The following ADGRB3 variants were observed in gnomAD, a reference collection of about 807,000 sequenced individuals.
ADGRB3 encodes the protein brain-specific angiogenesis inhibitor 3.
In ADGRB3, 37 loss-of-function variants were observed where a neutral mutation model predicts 193.4. The observed-to-expected ratio is 0.19, with a 90% CI of 0.15 to 0.25. The LOEUF is 0.25. Ranked by LOEUF, ADGRB3 falls within the 10% of genes least tolerant of loss-of-function variation. ADGRB3 has a pLI of 1.00. For missense variants in ADGRB3, 1,637 were observed against 1,852.9 expected (o/e 0.88, Z 2.14); for synonymous variants, 690 against 644.2 (o/e 1.07, Z -1.08).
At chr6:68,655,505 T>G (rs549918676) in intron 3 of ADGRB3, among the ~76,000 whole-genome samples, 1 of 151,884 alleles carries the variant, frequency 6.6e-6, no homozygotes, top group Non-Finnish European at 1.5e-5. Context: ...ACAAATAAAA[T>G]TTTGATTCAT....
chr6:69,350,004 G>T (rs184458225), intron 26 of ADGRB3, among the ~76,000 whole-genome samples: 1 of 152,168 alleles, frequency 6.6e-6, no homozygotes, highest in Non-Finnish European at 1.5e-5. Flanking sequence ...GCTACCAGCT[G>T]CCTTCAGAGC....
At chr6:68,718,405 A>G (rs1242718075) in intron 3 of ADGRB3, among the ~76,000 whole-genome samples, 1 of 151,708 alleles carries the variant, frequency 6.6e-6, no homozygotes, top group African/African-American at 2.4e-5. Flanking sequence ...TCAAGAAAAA[A>G]CATCCTAGGA....
intron 8 of ADGRB3, among the ~76,000 whole-genome samples, chr6:68,966,166 C>T (rs1768375916): frequency 1.3e-5 from 2 of 152,248 alleles, no homozygotes; most frequent in South Asian, 4.2e-4. Flanking sequence ...TCACCTCTTA[C>T]ATACAATCAG....
intron 17 of ADGRB3, among the ~76,000 whole-genome samples, chr6:69,091,737 A>G (rs551384724): frequency 1.3e-5 from 2 of 152,306 alleles, no homozygotes; most frequent in Admixed American, 1.3e-4. Flanking sequence ...AACCCCCATG[A>G]TACAAATTTA....
At chr6:68,847,861 A>C (rs547346667) in intron 3 of ADGRB3, among the ~76,000 whole-genome samples, 2 of 152,306 alleles carry the variant, frequency 1.3e-5, no homozygotes, top group South Asian at 4.1e-4. Context: ...AGAAGGAAGT[A>C]GTAGAAGATT....
At chr6:69,215,994 C>T (rs1582552195) in intron 17 of ADGRB3, among the ~76,000 whole-genome samples, 1 of 152,118 alleles carries the variant, frequency 6.6e-6, no homozygotes, top group African/African-American at 2.4e-5. Context: ...GATGGTTTTT[C>T]GTCTTCCATT....
chr6:69,289,822 T>G (rs1561978114), intron 20 of ADGRB3, among the ~76,000 whole-genome samples: 1 of 151,828 alleles, frequency 6.6e-6, no homozygotes, highest in East Asian at 1.9e-4. Flanking sequence ...ACTAAGGTGC[T>G]GCACTCTGCC....
intron 3 of ADGRB3, among the ~76,000 whole-genome samples, chr6:68,840,442 G>A (rs1768133954): frequency 3.2e-5 from 4 of 126,394 alleles, no homozygotes; most frequent in Admixed American, 2.0e-4. Context: ...CTAGGCTGGA[G>A]TGCAGTGGCA....
rs971520411 is a variant in ADGRB3, at chr6:68,847,219, T to C, written c.758-83340T>C. On this transcript the variant is annotated intron_variant, in intron 3 of 31. Transcript: ENST00000370598. ...AGGAAGTAACTAGCTTTCTTTTGAC[T>C]TCACAGGCTCATAGGTGGAAGGGAC... Among the ~76,000 whole-genome samples the C allele has an allele frequency of 3.3e-5, 5 of 152,226 alleles. 1 individual carries two copies. Among genetic ancestry groups the C allele is most frequent in the Middle Eastern group, 6.3e-3 (2 of 316 alleles).
At chr6:69,130,760 G>C (rs1373280693) in intron 17 of ADGRB3, among the ~76,000 whole-genome samples, 1 of 151,904 alleles carries the variant, frequency 6.6e-6, no homozygotes, top group Non-Finnish European at 1.5e-5. Flanking sequence ...ATGTGGATCA[G>C]TATCTCAGCT....
intron 17 of ADGRB3, among the ~76,000 whole-genome samples, chr6:69,096,817 G>A (rs1772894544): frequency 1.3e-5 from 2 of 152,166 alleles, no homozygotes; most frequent in Non-Finnish European, 2.9e-5. Context: ...ATCTTGGGGA[G>A]CAGTTCAGGC....
chr6:68,843,052 A>AAC lies in ADGRB3; in HGVS notation c.758-87506_758-87505insCA, dbSNP rs746719310. Among the ~76,000 whole-genome samples the AAC allele has an allele frequency of 0.016, 399 of 24,634 alleles. 1 individual carries two copies. The Middle Eastern group carries it at 0.18, about 11-fold the overall frequency. The allele number at this position is 24,634 out of a possible 152,430, so 16.2% of individuals were successfully genotyped here. A position where few individuals can be genotyped will look rare whatever the true frequency, so the allele number is the denominator to read the frequency against. ...CACAATAAAAGCCATATACAACAAC[A>AAC]AAAAAAAAAACAGGAAATGTCGTAC... On this transcript the variant is annotated intron_variant, in intron 3 of 31. Coordinates refer to ENST00000370598, the MANE Select transcript of ADGRB3 (RefSeq NM_001704.3).
intron 3 of ADGRB3, among the ~76,000 whole-genome samples, chr6:68,685,513 A>T (rs549065018): frequency 1.7e-4 from 26 of 152,250 alleles, no homozygotes; most frequent in South Asian, 4.1e-4. Flanking sequence ...CTTTAATATA[A>T]GGCAAATTCT....
chr6:69,348,861 G>A (rs1191258485), intron 26 of ADGRB3, among the ~76,000 whole-genome samples: 2 of 152,196 alleles, frequency 1.3e-5, no homozygotes, highest in African/African-American at 4.8e-5. Context: ...ATCATAAAAG[G>A]TTGGAAATTA....
chr6:68,834,825 TACTGTTTATAA>T (rs1161107872), intron 3 of ADGRB3, among the ~76,000 whole-genome samples: 1 of 152,150 alleles, frequency 6.6e-6, no homozygotes, highest in Non-Finnish European at 1.5e-5. Flanking sequence ...CATGTGAATA[TACTGTTTATAA>T]AGTAGAGTTC....
chr6:69,019,768 T>C (rs1019902245), intron 13 of ADGRB3, among the ~76,000 whole-genome samples: 1 of 151,976 alleles, frequency 6.6e-6, no homozygotes, highest in Non-Finnish European at 1.5e-5. Context: ...TCCAGCAGCT[T>C]GTGCCAGTTC....
intron 20 of ADGRB3, among the ~76,000 whole-genome samples, chr6:69,322,923 G>T (rs1323582123): frequency 2.6e-5 from 4 of 151,968 alleles, no homozygotes; most frequent in Non-Finnish European, 5.9e-5. Context: ...CATAGTCTGT[G>T]ACCATATTAT....
chr6:69,091,406 T>C (rs1277764723), intron 17 of ADGRB3, among the ~76,000 whole-genome samples: 1 of 152,172 alleles, frequency 6.6e-6, no homozygotes, highest in Non-Finnish European at 1.5e-5. Flanking sequence ...CCATCAGTGA[T>C]AGACTGGATA....
At chr6:68,676,942 C>CA (rs1259214908) in intron 3 of ADGRB3, among the ~76,000 whole-genome samples, 2 of 151,964 alleles carry the variant, frequency 1.3e-5, no homozygotes, top group African/African-American at 4.8e-5. Context: ...AATAAAAAAA[C>CA]AAAAAATGAA....
Sources: allele counts gnomAD v4.1 joint callset (sites outside exome capture counted in the v4.1 genomes callset), GRCh38; gene constraint gnomAD v4.1.1; transcripts MANE v1.5; gene names NCBI Gene and HGNC (gene_info 2026-07-23, HGNC 2026-07-21).